The following CADM1 variants were observed in gnomAD, a reference collection of about 807,000 sequenced individuals.
The protein encoded by CADM1 is cell adhesion molecule 1.
In CADM1, 15 loss-of-function variants were observed where a neutral mutation model predicts 53.1. The observed-to-expected ratio is 0.28, with a 90% CI of 0.19 to 0.44. The LOEUF is 0.44. Ranked by LOEUF, CADM1 falls within the 20% of genes least tolerant of loss-of-function variation. CADM1 has a pLI of 1.00. For synonymous variants in CADM1, 281 were observed against 243.0 expected (o/e 1.16, Z -1.45); for missense variants, 434 against 611.3 (o/e 0.71, Z 3.06).
intron 1 of CADM1, among the ~76,000 whole-genome samples, chr11:115,335,622 C>T (rs1481046315): frequency 6.6e-6 from 1 of 152,142 alleles, no homozygotes; most frequent in Non-Finnish European, 1.5e-5. Context: ...TACTCTGTCA[C>T]ATTAAAATTC....
intron 1 of CADM1, among the ~76,000 whole-genome samples, chr11:115,431,371 G>A (rs1483269794): frequency 4.0e-5 from 6 of 151,774 alleles, no homozygotes; most frequent in African/African-American, 1.2e-4. Flanking sequence ...CCATGCCTAC[G>A]CTCAAACCCA....
At position 115,175,478 on chromosome 11, in the gene CADM1, T is replaced by C. The variant is rs1404689577; in HGVS notation, c.*996A>G. Reference sequence around the variant, plus strand: ...GAGAAGTAAGGCCGATTGGGAAAGGTGGATGGAATCATTTGGAACAGAAAC... The same window carrying C: ...GAGAAGTAAGGCCGATTGGGAAAGGCGGATGGAATCATTTGGAACAGAAAC... On this transcript the variant is annotated 3_prime_UTR_variant, in exon 12 of 12. Transcript: ENST00000331581. The C allele has an allele frequency of 1.0e-6, 1 of 985,466 alleles. No homozygotes were observed. Among genetic ancestry groups the C allele is most frequent in the Non-Finnish European group, 1.2e-6 (1 of 829,916 alleles). 61.0% of individuals were successfully genotyped at this position (985,466 alleles called of 1,614,324 possible). A position where few individuals can be genotyped will look rare whatever the true frequency, so the allele number is the denominator to read the frequency against.
chr11:115,504,347 C>A lies in CADM1; in HGVS notation c.48G>T (p.Ala16=). 2.6e-6 allele frequency: 4 copies of A among 1,548,608 alleles called. No individual in the cohort carries two copies. The highest frequency in any genetic ancestry group is 3.5e-6 in the Non-Finnish European group (4 of 1,146,268). ...LPSGSQCAAA[A]AAAAPPGLRL... is the part of the protein sequence containing the mutation. Reference sequence around the variant, plus strand: ...GGAGCCCGGGAGGCGCCGCCGCCGCCGCTGCCGCCGCACACTGGGATCCGC... The same window carrying A: ...GGAGCCCGGGAGGCGCCGCCGCCGCAGCTGCCGCCGCACACTGGGATCCGC... Residue 16 remains alanine, a synonymous_variant, in exon 1 of 12, where the codon GCG becomes GCT. Transcript: ENST00000331581.
At chr11:115,409,410 TG>T (rs1189103790) in intron 1 of CADM1, among the ~76,000 whole-genome samples, 1 of 152,122 alleles carries the variant, frequency 6.6e-6, no homozygotes, top group Non-Finnish European at 1.5e-5. Context: ...TCGTTTTTTT[TG>T]TTTTGTTTTG....
chr11:115,205,861 G>C (rs542970185), intron 8 of CADM1, among the ~76,000 whole-genome samples: 24 of 152,250 alleles, frequency 1.6e-4, no homozygotes, highest in African/African-American at 5.8e-4. Context: ...TACTATAATG[G>C]CTTAATGGTT....
At chr11:115,446,899 A>G (rs1948463605) in intron 1 of CADM1, among the ~76,000 whole-genome samples, 1 of 152,144 alleles carries the variant, frequency 6.6e-6, no homozygotes, top group African/African-American at 2.4e-5. Flanking sequence ...AGGGAACCCA[A>G]TTTGAGACCC....
At chr11:115,229,559 TC>T (rs1165878057) in intron 4 of CADM1, among the ~76,000 whole-genome samples, 1 of 152,180 alleles carries the variant, frequency 6.6e-6, no homozygotes, top group African/African-American at 2.4e-5. Flanking sequence ...TCTTAAAACC[TC>T]CCAGAAAAAG....
intron 1 of CADM1, among the ~76,000 whole-genome samples, chr11:115,498,073 C>T (rs1276252932): frequency 2.0e-5 from 3 of 151,392 alleles, no homozygotes; most frequent in African/African-American, 7.3e-5. Flanking sequence ...CTGAAGCATT[C>T]CAACATTTCT....
At chr11:115,436,396 T>C (rs1227323144) in intron 1 of CADM1, among the ~76,000 whole-genome samples, 1 of 152,180 alleles carries the variant, frequency 6.6e-6, no homozygotes, top group African/African-American at 2.4e-5. Context: ...CAGATAATAA[T>C]TGCAATTCTC....
intron 1 of CADM1, among the ~76,000 whole-genome samples, chr11:115,459,468 A>C (rs1263483835): frequency 1.3e-5 from 2 of 152,100 alleles, no homozygotes; most frequent in Non-Finnish European, 2.9e-5. Flanking sequence ...CCTTTCTCTC[A>C]AGAAAAGAAA....
rs544818688 is a variant in CADM1 at position 115,238,729 on chromosome 11, C to A, written c.272-77G>T. ...TATTTTCCTTAATTATTTATTACAT[C>A]TTGCTGTATCTGATACTTCTTGACT... is the stretch of plus-strand genomic sequence containing the variant. On this transcript the variant is annotated intron_variant, in intron 2 of 11. Transcript: ENST00000331581. 11 of 1,419,494 alleles carry A rather than the reference C, an allele frequency of 7.7e-6. No homozygotes were observed. The South Asian group carries it at 9.3e-5, about 12-fold the overall frequency. The allele number at this position is 1,419,494 out of a possible 1,614,324, so 87.9% of individuals were successfully genotyped here. A position where few individuals can be genotyped will look rare whatever the true frequency, so the allele number is the denominator to read the frequency against.
intron 1 of CADM1, among the ~76,000 whole-genome samples, chr11:115,316,739 C>T (rs1944677086): frequency 6.6e-6 from 1 of 152,088 alleles, no homozygotes; most frequent in African/African-American, 2.4e-5. Context: ...CCTGAGAAGA[C>T]TTGGACCAGA....
chr11:115,424,699 G>A (rs776300974), intron 1 of CADM1, among the ~76,000 whole-genome samples: 2 of 151,828 alleles, frequency 1.3e-5, no homozygotes, highest in Non-Finnish European at 2.9e-5. Flanking sequence ...GCTAATTTTT[G>A]CATTTTTGTA....
chr11:115,212,302 G>A (rs1940999648), intron 7 of CADM1, among the ~76,000 whole-genome samples: 1 of 152,122 alleles, frequency 6.6e-6, no homozygotes, highest in Non-Finnish European at 1.5e-5. Context: ...CCAAAATTAT[G>A]GTAGTAATAC....
chr11:115,435,724 C>A (rs1948169433), intron 1 of CADM1, among the ~76,000 whole-genome samples: 1 of 152,112 alleles, frequency 6.6e-6, no homozygotes. Flanking sequence ...GAGTGAGACT[C>A]CGTCTCAAAA....
At chr11:115,350,094 C>G (rs964226431) in intron 1 of CADM1, among the ~76,000 whole-genome samples, 1 of 152,172 alleles carries the variant, frequency 6.6e-6, no homozygotes, top group African/African-American at 2.4e-5. Context: ...GCTTCAGCCT[C>G]CCGAGTAGCT....
At chr11:115,224,934 C>T (rs3793957) in intron 5 of CADM1, among the ~76,000 whole-genome samples, 53,330 of 151,962 alleles carry the variant, frequency 0.35, 11,337 homozygotes, top group Non-Finnish European at 0.47. Flanking sequence ...TACAGACATT[C>T]GCAAGAAAAA....
intron 1 of CADM1, among the ~76,000 whole-genome samples, chr11:115,484,162 CA>C (rs1356395323): frequency 2.0e-5 from 3 of 152,212 alleles, no homozygotes; most frequent in Non-Finnish European, 2.9e-5. Flanking sequence ...AACTGTAAAT[CA>C]AAAGGCTCCC....
chr11:115,249,252 T>G (rs1016140241), intron 1 of CADM1, among the ~76,000 whole-genome samples: 13 of 150,920 alleles, frequency 8.6e-5, no homozygotes, highest in Non-Finnish European at 1.6e-4. Context: ...AATGAACTTA[T>G]AATATGATAT....
Sources: gnomAD v4.1 joint callset for allele counts (sites outside exome capture counted in the v4.1 genomes callset) on GRCh38, gnomAD v4.1.1 for gene constraint, MANE v1.5 for transcripts, NCBI Gene and HGNC (gene_info 2026-07-23, HGNC 2026-07-21) for gene names.